AGBL1: variants seen among roughly 807,000 people sequenced by gnomAD.
AGBL1 encodes the protein cytosolic carboxypeptidase 4.
In AGBL1, 130 loss-of-function variants were observed where a neutral mutation model predicts 118.9. The ratio of observed to expected loss-of-function variants is 1.09; its 90% CI spans 0.95 to 1.26. The LOEUF is 1.26. AGBL1 is among the 50% of genes most tolerant of loss of function. The probability of loss-of-function intolerance (pLI) is 0.00; values close to 1 mark genes in which losing one functional copy is unlikely to be tolerated. For missense variants in AGBL1, 1,584 were observed against 1,298.1 expected, an observed-to-expected ratio of 1.22 and a Z score of -3.38; for synonymous variants, 555 against 478.9, an observed-to-expected ratio of 1.16 and a Z score of -2.08.
chr15:86,302,580 C>T (rs2079767018), intron 17 of AGBL1, among the ~76,000 whole-genome samples: 1 of 151,788 alleles, frequency 6.6e-6, no homozygotes, highest in Admixed American at 6.6e-5. Context: ...AGTTCAAGAC[C>T]AGCCTAGCCA....
At chr15:86,602,054 C>T (rs866274951) in intron 21 of AGBL1, among the ~76,000 whole-genome samples, 4 of 151,886 alleles carry the variant, frequency 2.6e-5, no homozygotes, top group South Asian at 2.1e-4. Flanking sequence ...TTCTTCTTTC[C>T]CTTCTCTTTC....
intron 22 of AGBL1, among the ~76,000 whole-genome samples, chr15:86,856,917 T>G (rs1225203849): frequency 6.6e-6 from 1 of 152,194 alleles, no homozygotes; most frequent in Admixed American, 6.5e-5. Context: ...TTTTCATGAC[T>G]AGAGAGTGGT....
At chr15:87,029,853 C>T (rs1379350156), downstream of AGBL1, among the ~76,000 whole-genome samples, 1 of 151,768 alleles carries the variant, frequency 6.6e-6, no homozygotes, top group African/African-American at 2.4e-5. Flanking sequence ...ACAAAAGCCA[C>T]AAAACTAAAA....
intron 17 of AGBL1, among the ~76,000 whole-genome samples, chr15:86,379,791 C>T (rs961505132): frequency 6.6e-6 from 1 of 152,134 alleles, no homozygotes; most frequent in Non-Finnish European, 1.5e-5. Context: ...GCTTATTTGC[C>T]CTTCTCTACA....
At chr15:86,432,050 C>A (rs1393056411) in intron 18 of AGBL1, among the ~76,000 whole-genome samples, 1 of 116,826 alleles carries the variant, frequency 8.6e-6, no homozygotes, top group African/African-American at 4.2e-5. Flanking sequence ...TGATTCTCAG[C>A]AACCCAGTTC....
intron 22 of AGBL1, among the ~76,000 whole-genome samples, chr15:86,704,417 C>A (rs2086412777): frequency 6.6e-6 from 1 of 152,062 alleles, no homozygotes; most frequent in Non-Finnish European, 1.5e-5. Context: ...CCAGAATCTA[C>A]AAGGAACTTA....
chr15:86,950,771 A>C (rs2080872487), intron 23 of AGBL1, among the ~76,000 whole-genome samples: 1 of 152,062 alleles, frequency 6.6e-6, no homozygotes, highest in African/African-American at 2.4e-5. Flanking sequence ...AGATTTGAAA[A>C]GGCAACTCAC....
chr15:86,427,702 A>C (rs946540348), intron 18 of AGBL1, among the ~76,000 whole-genome samples: 1 of 152,212 alleles, frequency 6.6e-6, no homozygotes, highest in Non-Finnish European at 1.5e-5. Context: ...GTTTATTCTC[A>C]AAAACTGTAG....
intron 18 of AGBL1, among the ~76,000 whole-genome samples, chr15:86,492,562 C>A: frequency 6.7e-6 from 1 of 148,316 alleles, no homozygotes; most frequent in African/African-American, 2.5e-5. Context: ...TGGACTCCAG[C>A]CTGGGTGAAA....
rs1567185679 is a variant in AGBL1, at chr15:86,298,261, A to ATATATATATATATATGGTAAC, written c.2374+2868_2374+2869insGGTAACTATATATATATATAT. Among the ~76,000 whole-genome samples the ATATATATATATATATGGTAAC allele has an allele frequency of 6.1e-4, 63 of 103,080 alleles. 2 individuals carry two copies. The highest frequency in any genetic ancestry group is 1.0e-3 in the Non-Finnish European group (55 of 52,494). The allele number at this position is 103,080 out of a possible 152,430, so 67.6% of individuals were successfully genotyped here. On this transcript the variant is annotated intron_variant, in intron 17 of 22. Transcript: ENST00000614907. ...GTCTGTGTATAATATATATATATAT[A>ATATATATATATATATGGTAAC]TATATATATATATATATATGGTAAC...
At chr15:86,594,919 G>T (rs1030192424) in intron 21 of AGBL1, among the ~76,000 whole-genome samples, 1 of 152,020 alleles carries the variant, frequency 6.6e-6, no homozygotes, top group Admixed American at 6.6e-5. Context: ...CTCACTAATT[G>T]TCTCCACTTT....
Position 86,966,191 on chromosome 15 carries a change from A to T in AGBL1, c.3222-21796A>T, listed in dbSNP as rs576464306. On this transcript the variant is annotated intron_variant, in intron 23 of 24. Coordinates refer to the AGBL1 transcript ENST00000441037. ...ATCAGGGACTCTGTAGTATTTTTTAATATAAAACAAAACAAAACAAAAATG... is the reference window on the plus strand; with the variant it reads ...ATCAGGGACTCTGTAGTATTTTTTATTATAAAACAAAACAAAACAAAAATG... Among the ~76,000 whole-genome samples, 3 of 152,128 alleles carry T rather than the reference A, an allele frequency of 2.0e-5. No homozygotes were observed. In the East Asian group the frequency reaches 5.8e-4, roughly 30 times the overall value.
chr15:86,719,756 T>C (rs1477650892), intron 22 of AGBL1, among the ~76,000 whole-genome samples: 3 of 152,226 alleles, frequency 2.0e-5, no homozygotes, highest in East Asian at 1.9e-4. Flanking sequence ...CTAAAATGTA[T>C]CACTTGTGTG....
At chr15:86,985,246 G>T (rs963548469) in intron 23 of AGBL1, among the ~76,000 whole-genome samples, 6 of 152,016 alleles carry the variant, frequency 3.9e-5, no homozygotes, top group African/African-American at 1.2e-4. Flanking sequence ...ATTGCTCTTG[G>T]GTAAGTATCT....
intron 17 of AGBL1, among the ~76,000 whole-genome samples, chr15:86,382,264 T>C (rs1049032794): frequency 1.3e-5 from 2 of 152,194 alleles, no homozygotes; most frequent in Non-Finnish European, 2.9e-5. Context: ...GGTTTTAGGA[T>C]GGCAGAAGTA....
At chr15:86,298,832 G>T (rs984942051) in intron 17 of AGBL1, among the ~76,000 whole-genome samples, 1 of 152,130 alleles carries the variant, frequency 6.6e-6, no homozygotes, top group African/African-American at 2.4e-5. Flanking sequence ...CACGGCTATG[G>T]AATGCTGGGG....
chr15:86,916,323 C>A (rs564165487), downstream of AGBL1, among the ~76,000 whole-genome samples: 10 of 152,148 alleles, frequency 6.6e-5, no homozygotes, highest in South Asian at 1.5e-3. Flanking sequence ...CAGCTCACAG[C>A]AATTTTTTTT....
rs16978019 is a variant in AGBL1 at position 86,812,330 on chromosome 15, A to G, written c.3159-94757A>G. 9.1e-3 allele frequency among the ~76,000 whole-genome samples: 1,384 copies of G among 152,284 alleles called. 25 individuals carry two copies. The highest frequency in any genetic ancestry group is 0.032 in the African/African-American group (1,312 of 41,536). On this transcript the variant is annotated intron_variant, in intron 22 of 22. Coordinates refer to ENST00000614907, the MANE Select transcript of AGBL1 (RefSeq NM_001386094.1). The stretch of plus-strand genomic sequence containing the variant: ...GTGTTTAGAATGATTCAGTCAAGCT[A>G]TGGACTACAATTTACTTTAGAAGAA...
At chr15:86,341,867 T>C (rs894141182) in intron 17 of AGBL1, among the ~76,000 whole-genome samples, 4 of 152,156 alleles carry the variant, frequency 2.6e-5, no homozygotes, top group African/African-American at 9.7e-5. Context: ...AACACTTTTT[T>C]TTAAGACCAC....
Sources: gnomAD v4.1 joint callset for allele counts (sites outside exome capture counted in the v4.1 genomes callset) on GRCh38, gnomAD v4.1.1 for gene constraint, MANE v1.5 for transcripts, NCBI Gene and HGNC (gene_info 2026-07-23, HGNC 2026-07-21) for gene names.